The following KCNAB2 variants were observed in gnomAD, a reference collection of about 807,000 sequenced individuals.
The protein encoded by KCNAB2 is voltage-gated potassium channel subunit beta-2.
KCNAB2 carries 29 observed loss-of-function variants against 63.6 expected under a neutral mutation model. The ratio of observed to expected loss-of-function variants is 0.46; its 90% CI spans 0.34 to 0.62. The LOEUF is 0.62. Ranked by LOEUF, KCNAB2 falls within the 20% of genes least tolerant of loss-of-function variation. The pLI, the probability that KCNAB2 is intolerant of heterozygous loss-of-function variation, is 0.01. For synonymous variants in KCNAB2, 222 were observed against 224.2 expected (o/e 0.99, Z 0.09); for missense variants, 359 against 563.9 (o/e 0.64, Z 3.68).
chr1:6,082,123 G>A (rs1442563480), intron 4 of KCNAB2, 72 bp from the exon 5 acceptor site: 45 of 1,366,074 alleles, frequency 3.3e-5, no homozygotes, highest in East Asian at 1.8e-4. Flanking sequence ...CTCCCAGGCC[G>A]AGAGGGTGGT....
Position 6,099,973 on chromosome 1 carries a change from G to T in KCNAB2, c.*1399G>T. On this transcript the variant is annotated 3_prime_UTR_variant, in exon 16 of 16. Transcript: ENST00000378083. ...GCAGTACCCAGGCTTTGCAGACCAC[G>T]CGGGGCAGGGCTCCACTGAAGCCAC... 1 of 1,548,944 alleles carries T rather than the reference G, an allele frequency of 6.5e-7. No homozygotes were observed. The highest frequency in any genetic ancestry group is 8.7e-7 in the Non-Finnish European group (1 of 1,146,230).
chr1:6,067,114 C>G (rs187326149), intron 2 of KCNAB2, among the ~76,000 whole-genome samples: 1 of 152,196 alleles, frequency 6.6e-6, no homozygotes, highest in Admixed American at 6.5e-5. Flanking sequence ...TTCTGGGGGC[C>G]GGCCTTCCTC....
chr1:5,999,009 A>G (rs1570809892), intron 1 of KCNAB2, among the ~76,000 whole-genome samples: 1 of 152,338 alleles, frequency 6.6e-6, no homozygotes, highest in East Asian at 1.9e-4. Context: ...GCGGGCGTAG[A>G]CGAAGCCGCT....
At chr1:6,033,675 T>C (rs12566355), upstream of KCNAB2, among the ~76,000 whole-genome samples, 87,211 of 151,946 alleles carry the variant, frequency 0.57, 25,273 homozygotes, top group Middle Eastern at 0.62. Flanking sequence ...AGTGAGTTGG[T>C]AGGAAGAAAG....
At chr1:6,095,153 G>T (rs1432487043) in intron 11 of KCNAB2, among the ~76,000 whole-genome samples, 170 bp from the exon 12 acceptor site, 1 of 152,214 alleles carries the variant, frequency 6.6e-6, no homozygotes, top group Non-Finnish European at 1.5e-5. Context: ...AGCTCACCAG[G>T]GCCTGCCTGG....
At chr1:6,065,936 GC>G (rs1293503088) in intron 2 of KCNAB2, among the ~76,000 whole-genome samples, 3 of 152,218 alleles carry the variant, frequency 2.0e-5, no homozygotes. Context: ...CTCAAGGAAT[GC>G]CTGCAGCTTC....
intron 1 of KCNAB2, among the ~76,000 whole-genome samples, chr1:6,022,712 GGACCTCA>G (rs1025111757): frequency 1.3e-5 from 2 of 152,088 alleles, no homozygotes; most frequent in South Asian, 2.1e-4. Flanking sequence ...ACTACTCTAG[GGACCTCA>G]GATCATTGGA....
At chr1:6,060,544 G>A (rs544080413) in intron 2 of KCNAB2, among the ~76,000 whole-genome samples, 11 of 152,238 alleles carry the variant, frequency 7.2e-5, no homozygotes, top group Non-Finnish European at 1.0e-4. Flanking sequence ...CGGACAAGGC[G>A]GTCTCTGCAG....
chr1:6,014,342 G>A (rs4908483), intron 1 of KCNAB2, among the ~76,000 whole-genome samples: 4,320 of 152,294 alleles, frequency 0.028, 78 homozygotes, highest in Non-Finnish European at 0.045. Flanking sequence ...CCAGTTTCAC[G>A]TGAAGCCCAG....
chr1:5,995,117 T>C (rs978002378), intron 1 of KCNAB2, among the ~76,000 whole-genome samples: 1 of 152,158 alleles, frequency 6.6e-6, no homozygotes, highest in East Asian at 1.9e-4. Context: ...GTGAATGTTT[T>C]CCTGGCGTCC....
Position 6,051,501 on chromosome 1 carries a change from G to C in KCNAB2, c.-26-10G>C. On this transcript the variant is annotated splice_polypyrimidine_tract_variant and intron_variant, in intron 1 of 15. Coordinates refer to ENST00000378083, the MANE Select transcript of KCNAB2 (RefSeq NM_001199862.2). ...TTGGCACACTGTCTAACTCATCACC[G>C]TCTGGACAGTGGCAGCTCCCAAGCC... The C allele has an allele frequency of 6.7e-7, 1 of 1,489,056 alleles. No homozygotes were observed. The highest frequency in any genetic ancestry group is 9.0e-7 in the Non-Finnish European group (1 of 1,117,126). The allele number at this position is 1,489,056 out of a possible 1,614,324, so 92.2% of individuals were successfully genotyped here.
At chr1:6,077,929 C>G (rs1404868617) in intron 4 of KCNAB2, among the ~76,000 whole-genome samples, 1 of 152,234 alleles carries the variant, frequency 6.6e-6, no homozygotes, top group Non-Finnish European at 1.5e-5. Context: ...AAATAGCCAC[C>G]AATGCGCGGC....
At position 6,074,997 on chromosome 1, in the gene KCNAB2, C is replaced by T. The variant is rs1414733186; in HGVS notation, c.300+1227C>T. Reference sequence around the variant, plus strand: ...CAATAGCTGGTTATAGAATGATTTGCCCCTTGCTTTGAAGTTGCTGGATAG... The same window carrying T: ...CAATAGCTGGTTATAGAATGATTTGTCCCTTGCTTTGAAGTTGCTGGATAG... On this transcript the variant is annotated intron_variant, in intron 4 of 15. Transcript: ENST00000378083. This position sits in a 1 kb window ranked among gnomAD's most constrained non-coding sequence, Gnocchi z 4.9. 6.6e-6 allele frequency among the ~76,000 whole-genome samples: 1 copy of T among 151,060 alleles called. No homozygotes were observed. The highest frequency in any genetic ancestry group is 1.5e-5 in the Non-Finnish European group (1 of 67,926).
At chr1:6,009,088 T>C (rs1657993647) in intron 1 of KCNAB2, among the ~76,000 whole-genome samples, 1 of 152,216 alleles carries the variant, frequency 6.6e-6, no homozygotes, top group East Asian at 1.9e-4. Flanking sequence ...TCTGAGCCTC[T>C]GTTTGAAGTG....
chr1:6,072,656 G>A (rs78993905), intron 2 of KCNAB2, 99 bp from the exon 3 acceptor site: 36 of 1,299,992 alleles, frequency 2.8e-5, no homozygotes, highest in Non-Finnish European at 3.8e-5. Context: ...CACATTGACT[G>A]TTGGGGGAGT....
intron 2 of KCNAB2, among the ~76,000 whole-genome samples, chr1:6,065,418 G>GAGCC (rs1662662998): frequency 6.6e-6 from 1 of 152,230 alleles, no homozygotes; most frequent in South Asian, 2.1e-4. Flanking sequence ...GACATGGTGG[G>GAGCC]AGCCTCAGCC....
intron 1 of KCNAB2, among the ~76,000 whole-genome samples, chr1:6,011,888 G>A (rs776162574): frequency 5.9e-5 from 9 of 152,230 alleles, no homozygotes; most frequent in South Asian, 2.1e-4. Flanking sequence ...ATTGCCCCCC[G>A]GAAGGTTGCT....
intron 2 of KCNAB2, among the ~76,000 whole-genome samples, chr1:6,060,615 T>C (rs527590634): frequency 3.3e-5 from 5 of 152,200 alleles, no homozygotes; most frequent in South Asian, 4.1e-4. Flanking sequence ...TTAAAAGCCA[T>C]GTCAGGCCAA....
In KCNAB2 at chr1:6,024,806, C is replaced by T. The variant is rs1659040828; in HGVS notation, c.-52-15711C>T. On this transcript the variant is annotated intron_variant, in intron 1 of 16. Transcript: ENST00000341524. This position sits in a 1 kb window ranked among gnomAD's most constrained non-coding sequence, Gnocchi z 5.4. ...CATGGGGGGCTCCAGGGCAGGAGGT[C>T]AAGGTATGTGTGAGGAAAGAACCCC... Among the ~76,000 whole-genome samples the T allele has an allele frequency of 6.6e-6, 1 of 152,150 alleles. No homozygotes were observed.
Sources: allele counts gnomAD v4.1 joint callset (sites outside exome capture counted in the v4.1 genomes callset), GRCh38; gene constraint gnomAD v4.1.1; non-coding constraint Gnocchi (gnomAD v3.1); transcripts MANE v1.5; gene names NCBI Gene and HGNC (gene_info 2026-07-23, HGNC 2026-07-21).